KHDRBS2: variants seen among roughly 807,000 people sequenced by gnomAD.
KHDRBS2 encodes KH domain-containing, RNA-binding, signal transduction-associated protein 2.
A neutral mutation model predicts 44.3 loss-of-function variants in KHDRBS2; 26 were observed. The observed-to-expected ratio is 0.59, with a 90% CI of 0.43 to 0.81. The LOEUF is 0.81. Ranked by LOEUF, KHDRBS2 falls within the 40% of genes least tolerant of loss-of-function variation. The pLI is 0.00. For missense variants in KHDRBS2, 476 were observed against 433.1 expected (o/e 1.10, Z -0.88); for synonymous variants, 194 against 151.1 (o/e 1.28, Z -2.08).
chr6:61,627,145 C>T, the KHDRBS2 span, among the ~76,000 whole-genome samples: 4 of 149,266 alleles, frequency 2.7e-5, no homozygotes, highest in East Asian at 2.0e-4. Context: ...CCCAGCTACT[C>T]GGGAGGCTGA....
chr6:61,666,496 AC>A, the KHDRBS2 span, among the ~76,000 whole-genome samples: 1 of 151,442 alleles, frequency 6.6e-6, no homozygotes, highest in East Asian at 2.0e-4. Flanking sequence ...CTTAGGGTCC[AC>A]TTCCTAATAC....
the KHDRBS2 span, among the ~76,000 whole-genome samples, chr6:61,618,474 CTTTTA>C: frequency 2.6e-5 from 4 of 152,030 alleles, no homozygotes; most frequent in South Asian, 2.1e-4. Flanking sequence ...TTTATTTTAA[CTTTTA>C]TTTTAAGTTC....
At chr6:62,195,726 A>G (rs1447403179) in intron 1 of KHDRBS2, among the ~76,000 whole-genome samples, 1 of 152,146 alleles carries the variant, frequency 6.6e-6, no homozygotes, top group Non-Finnish European at 1.5e-5. Flanking sequence ...AAAAATACAC[A>G]AAGTGTGCAT....
chr6:62,065,729 C>T (rs1793494910), intron 2 of KHDRBS2, among the ~76,000 whole-genome samples: 2 of 147,424 alleles, frequency 1.4e-5, no homozygotes, highest in Non-Finnish European at 3.0e-5. Context: ...CACATGTATA[C>T]ATATGTAACT....
chr6:61,720,863 T>A (rs1772359007), intron 7 of KHDRBS2, among the ~76,000 whole-genome samples: 1 of 151,250 alleles, frequency 6.6e-6, no homozygotes, highest in Non-Finnish European at 1.5e-5. Flanking sequence ...CATGCCTATG[T>A]CCTGAATGGT....
intron 4 of KHDRBS2, among the ~76,000 whole-genome samples, chr6:61,914,617 C>T (rs1806657843): frequency 6.6e-6 from 1 of 151,932 alleles, no homozygotes; most frequent in Non-Finnish European, 1.5e-5. Flanking sequence ...ATGTAAGAAA[C>T]CTGCACGTTG....
chr6:62,132,659 A>G (rs1407440520), intron 2 of KHDRBS2, among the ~76,000 whole-genome samples: 1 of 152,200 alleles, frequency 6.6e-6, no homozygotes, highest in Non-Finnish European at 1.5e-5. Flanking sequence ...CTGCCCCATA[A>G]AAACCTATCA....
intron 4 of KHDRBS2, among the ~76,000 whole-genome samples, chr6:61,921,074 T>C (rs1202255478): frequency 1.3e-5 from 2 of 152,072 alleles, no homozygotes; most frequent in East Asian, 1.9e-4. Context: ...AGAAAAAACT[T>C]TTAAATTCAA....
At chr6:61,644,148 C>T in the KHDRBS2 span, among the ~76,000 whole-genome samples, 3 of 152,056 alleles carry the variant, frequency 2.0e-5, no homozygotes, top group African/African-American at 7.2e-5. Flanking sequence ...AGAAATAAGG[C>T]CACACACCTA....
intron 6 of KHDRBS2, among the ~76,000 whole-genome samples, chr6:61,770,232 G>A (rs1474641493): frequency 2.0e-5 from 3 of 152,008 alleles, no homozygotes; most frequent in Non-Finnish European, 4.4e-5. Flanking sequence ...CACAAAGATG[G>A]GAAAAAAACA....
rs186585144 is a variant in KHDRBS2 at position 62,071,641 on chromosome 6, A to G, written c.220-23647T>C. On this transcript the variant is annotated intron_variant, in intron 2 of 8. Coordinates refer to ENST00000281156, the MANE Select transcript of KHDRBS2 (RefSeq NM_152688.4). ...GCTTTTGTCAGGTTTGTCAAAGATCAGATAGCTGTAGATATGTGGCATTAT... is the reference window on the plus strand; with the variant it reads ...GCTTTTGTCAGGTTTGTCAAAGATCGGATAGCTGTAGATATGTGGCATTAT... Among the ~76,000 whole-genome samples, 97 of 152,314 alleles carry G rather than the reference A, an allele frequency of 6.4e-4. 1 individual carries two copies. Among genetic ancestry groups the G allele is most frequent in the African/African-American group, 2.3e-3 (96 of 41,570 alleles).
chr6:61,750,214 T>A (rs552589942), intron 6 of KHDRBS2, among the ~76,000 whole-genome samples: 28 of 152,102 alleles, frequency 1.8e-4, no homozygotes, highest in Non-Finnish European at 3.4e-4. Flanking sequence ...AGACAAAAGG[T>A]CATTCTTTTA....
intron 6 of KHDRBS2, among the ~76,000 whole-genome samples, chr6:61,827,448 T>C (rs554839073): frequency 6.6e-6 from 1 of 152,322 alleles, no homozygotes; most frequent in South Asian, 2.1e-4. Flanking sequence ...GGAAACAATT[T>C]TCTATATTGA....
chr6:62,064,956 C>G (rs1793185242), intron 2 of KHDRBS2, among the ~76,000 whole-genome samples: 1 of 151,714 alleles, frequency 6.6e-6, no homozygotes, highest in Non-Finnish European at 1.5e-5. Context: ...ACAACCCCAT[C>G]AAAAAGTGGG....
At chr6:61,620,781 C>T in the KHDRBS2 span, among the ~76,000 whole-genome samples, 5 of 152,206 alleles carry the variant, frequency 3.3e-5, no homozygotes, top group Admixed American at 6.5e-5. Flanking sequence ...AGCTGGGCTA[C>T]TCCTGCCCAA....
chr6:62,035,146 C>T (rs142761515), intron 3 of KHDRBS2, among the ~76,000 whole-genome samples: 2 of 151,894 alleles, frequency 1.3e-5, no homozygotes, highest in Non-Finnish European at 2.9e-5. Flanking sequence ...TGGGTACATA[C>T]CCTAACAAAA....
chr6:61,779,755 C>T (rs1337807804), intron 6 of KHDRBS2, among the ~76,000 whole-genome samples: 2 of 151,994 alleles, frequency 1.3e-5, no homozygotes, highest in African/African-American at 2.4e-5. Context: ...ACATTTTTTA[C>T]CTTAACAATT....
chr6:61,562,221 C>T, the KHDRBS2 span, among the ~76,000 whole-genome samples: 32,224 of 152,092 alleles, frequency 0.21, 3,685 homozygotes, highest in East Asian at 0.29. Context: ...GATGTTTATC[C>T]TAACTTCATG....
intron 6 of KHDRBS2, among the ~76,000 whole-genome samples, chr6:61,743,452 T>C (rs751600777): frequency 1.3e-5 from 2 of 152,082 alleles, no homozygotes; most frequent in Non-Finnish European, 2.9e-5. Context: ...ATATCATTAA[T>C]GGCAAAATAC....
Sources: allele counts gnomAD v4.1 joint callset (sites outside exome capture counted in the v4.1 genomes callset), GRCh38; gene constraint gnomAD v4.1.1; transcripts MANE v1.5; gene names NCBI Gene and HGNC (gene_info 2026-07-23, HGNC 2026-07-21).